PCDH15: variants seen among roughly 807,000 people sequenced by gnomAD.
The protein encoded by PCDH15 is protocadherin-15.
Under a neutral mutation model 178.5 loss-of-function variants are expected in PCDH15, and 129 were observed. The observed-to-expected ratio is 0.72, with a 90% CI of 0.63 to 0.84. The LOEUF (loss-of-function observed/expected upper bound fraction) is 0.84. PCDH15 is among the 40% of genes least tolerant of loss of function. The pLI is 0.00. For missense variants in PCDH15, 2,230 were observed against 2,099.9 expected (o/e 1.06, Z -1.21); for synonymous variants, 800 against 732.0 (o/e 1.09, Z -1.50).
At chr10:55,310,120 C>A (rs950449524) in intron 1 of PCDH15, among the ~76,000 whole-genome samples, 11 of 152,244 alleles carry the variant, frequency 7.2e-5, no homozygotes, top group African/African-American at 2.6e-4. Flanking sequence ...CAAGCATGTT[C>A]TTCTCATCGT....
chr10:54,405,217 T>C (rs1952492434), intron 3 of PCDH15, among the ~76,000 whole-genome samples: 1 of 152,054 alleles, frequency 6.6e-6, no homozygotes, highest in South Asian at 2.1e-4. Context: ...GTTCATTGTG[T>C]CACTATTCAC....
At chr10:54,205,865 A>G (rs1009234349) in intron 10 of PCDH15, among the ~76,000 whole-genome samples, 5 of 152,138 alleles carry the variant, frequency 3.3e-5, no homozygotes, top group Non-Finnish European at 7.4e-5. Flanking sequence ...ATGAGATAAA[A>G]TACAAATAAC....
Position 53,806,478 on chromosome 10 carries a change from C to T in PCDH15, c.*101G>A, listed in dbSNP as rs1841165281. ...ATTGTTCAAAGTTTTAGCTTGTGTGCATGATATAAATTCCATACATTGTTT... is the reference window on the plus strand; with the variant it reads ...ATTGTTCAAAGTTTTAGCTTGTGTGTATGATATAAATTCCATACATTGTTT... On this transcript the variant is annotated 3_prime_UTR_variant, in exon 38 of 38. Transcript: ENST00000644397. 10 of 1,006,202 alleles carry T rather than the reference C, an allele frequency of 9.9e-6. No individual in the cohort carries two copies. The South Asian group carries it at 1.6e-4, about 16-fold the overall frequency. The allele number at this position is 1,006,202 out of a possible 1,614,324, so 62.3% of individuals were successfully genotyped here. A position where few individuals can be genotyped will look rare whatever the true frequency, so the allele number is the denominator to read the frequency against.
intron 2 of PCDH15, among the ~76,000 whole-genome samples, chr10:55,377,368 C>T (rs1336913655): frequency 6.6e-6 from 1 of 151,684 alleles, no homozygotes; most frequent in African/African-American, 2.4e-5. Context: ...TAAAGTCTAT[C>T]TTATTAAAAT....
intron 2 of PCDH15, among the ~76,000 whole-genome samples, chr10:55,585,807 G>C (rs1842717188): frequency 6.6e-6 from 1 of 151,944 alleles, no homozygotes; most frequent in South Asian, 2.1e-4. Flanking sequence ...GAGATAGACT[G>C]TTCTGTTAAT....
intron 2 of PCDH15, among the ~76,000 whole-genome samples, chr10:54,549,789 A>G (rs1303203811): frequency 2.6e-5 from 4 of 152,024 alleles, no homozygotes; most frequent in Non-Finnish European, 1.5e-5. Context: ...AATCTTCTAC[A>G]GTGATGTTTG....
chr10:54,927,975 A>G (rs148271649), intron 2 of PCDH15, among the ~76,000 whole-genome samples: 16 of 152,122 alleles, frequency 1.1e-4, no homozygotes, highest in Admixed American at 2.0e-4. Context: ...TGATTCTGTC[A>G]CTGTGATATT....
At chr10:55,045,950 G>A (rs1840993469) in intron 2 of PCDH15, among the ~76,000 whole-genome samples, 1 of 152,020 alleles carries the variant, frequency 6.6e-6, no homozygotes, top group Non-Finnish European at 1.5e-5. Flanking sequence ...TTGTTCTCCA[G>A]TAGGACTCAT....
intron 3 of PCDH15, among the ~76,000 whole-genome samples, chr10:54,450,395 T>G (rs2076405801): frequency 6.6e-6 from 1 of 151,476 alleles, no homozygotes; most frequent in African/African-American, 2.4e-5. Flanking sequence ...TTTTTGTAAT[T>G]ATTTATAGTT....
At chr10:54,543,834 C>T (rs1031578196) in intron 2 of PCDH15, among the ~76,000 whole-genome samples, 2 of 152,182 alleles carry the variant, frequency 1.3e-5, no homozygotes, top group Non-Finnish European at 2.9e-5. Flanking sequence ...TTCCCCACCG[C>T]TGTTGCTCAC....
intron 6 of PCDH15, among the ~76,000 whole-genome samples, chr10:54,345,645 G>C (rs1476216778): frequency 6.6e-6 from 1 of 150,714 alleles, no homozygotes. Context: ...TATTTGGGAG[G>C]CCGAGGCAGG....
intron 5 of PCDH15, among the ~76,000 whole-genome samples, chr10:54,350,383 T>C (rs1943979767): frequency 6.6e-6 from 1 of 152,196 alleles, no homozygotes; most frequent in South Asian, 2.1e-4. Context: ...CTCCTGTGTA[T>C]TTCTACTACT....
chr10:54,620,482 TAA>T (rs2093320357), intron 2 of PCDH15, among the ~76,000 whole-genome samples: 1 of 152,074 alleles, frequency 6.6e-6, no homozygotes, highest in Non-Finnish European at 1.5e-5. Flanking sequence ...GGTTGGTTTC[TAA>T]AACCGATTCT....
chr10:54,818,969 G>C (rs1025277714), intron 3 of PCDH15, among the ~76,000 whole-genome samples: 8 of 151,824 alleles, frequency 5.3e-5, no homozygotes, highest in African/African-American at 1.9e-4. Context: ...TTGTTGTGCA[G>C]ACTGAAGAGC....
At chr10:55,502,009 G>T (rs1317967251) in intron 2 of PCDH15, among the ~76,000 whole-genome samples, 1 of 151,170 alleles carries the variant, frequency 6.6e-6, no homozygotes, top group Admixed American at 6.6e-5. Flanking sequence ...CTTCCCACTT[G>T]CAGGTCTTTG....
In PCDH15 at chr10:54,505,076, T is replaced by A. The variant is rs566052239; in HGVS notation, c.157+22736A>T. ...TCACTTTGTTTTTTTGTTTTTTTCC[T>A]AAATCTCCACTTCTGCTTATAGTGA... On this transcript the variant is annotated intron_variant, in intron 3 of 37. Coordinates refer to ENST00000644397, the MANE Select transcript of PCDH15 (RefSeq NM_001384140.1). Among the ~76,000 whole-genome samples the A allele has an allele frequency of 1.1e-3, 174 of 152,236 alleles. 1 individual carries two copies. In the Middle Eastern group the frequency reaches 0.02, roughly 18 times the overall value.
intron 23 of PCDH15, among the ~76,000 whole-genome samples, chr10:53,952,944 A>G (rs909579996): frequency 1.3e-5 from 2 of 152,252 alleles, no homozygotes; most frequent in African/African-American, 4.8e-5. Context: ...GGGAGAGGCC[A>G]GGCATTGGGA....
intron 25 of PCDH15, among the ~76,000 whole-genome samples, chr10:53,929,378 T>C (rs1296269728): frequency 1.3e-5 from 2 of 152,142 alleles, no homozygotes; most frequent in African/African-American, 4.8e-5. Flanking sequence ...AAAGAAAAAA[T>C]GCTGTTAATG....
chr10:54,581,533 C>T (rs563501381), intron 2 of PCDH15, among the ~76,000 whole-genome samples: 61 of 152,102 alleles, frequency 4.0e-4, no homozygotes, highest in Non-Finnish European at 6.9e-4. Context: ...CAATGCTATT[C>T]CTGTAAAACT....
Sources: allele counts gnomAD v4.1 joint callset (sites outside exome capture counted in the v4.1 genomes callset), GRCh38; gene constraint gnomAD v4.1.1; transcripts MANE v1.5; gene names NCBI Gene and HGNC (gene_info 2026-07-23, HGNC 2026-07-21).